Variants in PTPRK observed in about 807,000 individuals in gnomAD.
PTPRK encodes receptor-type tyrosine-protein phosphatase kappa.
Under a neutral mutation model 178.0 loss-of-function variants are expected in PTPRK, and 75 were observed. That is an observed-to-expected ratio of 0.42 (90% CI 0.35 to 0.51). The LOEUF is 0.51. PTPRK is among the 20% of genes least tolerant of loss of function. The pLI is 0.02. For missense variants in PTPRK, 1,441 were observed against 1,797.8 expected (o/e 0.80, Z 3.59); for synonymous variants, 637 against 620.6 (o/e 1.03, Z -0.39).
chr6:128,019,457 G>C (rs1282167558), intron 13 of PTPRK, among the ~76,000 whole-genome samples: 1 of 151,860 alleles, frequency 6.6e-6, no homozygotes, highest in Admixed American at 6.6e-5. Flanking sequence ...CATTCTTTTG[G>C]GGACAAATAA....
At chr6:128,445,564 A>G (rs1376423635) in intron 1 of PTPRK, among the ~76,000 whole-genome samples, 1 of 151,412 alleles carries the variant, frequency 6.6e-6, no homozygotes, top group Non-Finnish European at 1.5e-5. Flanking sequence ...TGAAAGGATG[A>G]GAATAAAAAT....
At chr6:128,403,853 AT>A (rs1268070251) in intron 1 of PTPRK, among the ~76,000 whole-genome samples, 5 of 152,326 alleles carry the variant, frequency 3.3e-5, no homozygotes, top group Middle Eastern at 3.4e-3. Context: ...AGCAAACTTC[AT>A]GTACAAAAAG....
chr6:128,486,461 A>C (rs1280460951), intron 1 of PTPRK, among the ~76,000 whole-genome samples: 2 of 152,214 alleles, frequency 1.3e-5, no homozygotes, highest in African/African-American at 4.8e-5. Flanking sequence ...TACTTCAAAA[A>C]GGCAGAAAAC....
At chr6:128,304,479 ATTT>A (rs1475713017) in intron 3 of PTPRK, among the ~76,000 whole-genome samples, 1 of 152,154 alleles carries the variant, frequency 6.6e-6, no homozygotes. Flanking sequence ...TGCATAAAAC[ATTT>A]AAGTTTTTTT....
At chr6:128,395,711 G>A (rs1004493177) in intron 2 of PTPRK, among the ~76,000 whole-genome samples, 9 of 151,818 alleles carry the variant, frequency 5.9e-5, no homozygotes, top group Non-Finnish European at 1.0e-4. Context: ...ACAAATCTAC[G>A]CACAAAATTA....
intron 18 of PTPRK, chr6:127,995,170 C>T: frequency 7.4e-7 from 1 of 1,352,566 alleles, no homozygotes; most frequent in Non-Finnish European, 1.0e-6. Flanking sequence ...CTAGTAGTAA[C>T]AGAGCGTTAG....
intron 7 of PTPRK, among the ~76,000 whole-genome samples, chr6:128,133,291 A>G (rs1794534146): frequency 6.6e-6 from 1 of 152,194 alleles, no homozygotes; most frequent in Non-Finnish European, 1.5e-5. Flanking sequence ...CAGGTTTAAA[A>G]TTTGTATTAT....
intron 18 of PTPRK, among the ~76,000 whole-genome samples, 176 bp from the exon 19 acceptor site, chr6:127,992,885 T>G (rs559379322): frequency 6.6e-6 from 1 of 151,670 alleles, no homozygotes. Flanking sequence ...AAGGTAAACA[T>G]AAAACAAAAA....
At chr6:128,288,346 G>T (rs973061502) in intron 3 of PTPRK, among the ~76,000 whole-genome samples, 1 of 151,908 alleles carries the variant, frequency 6.6e-6, no homozygotes, top group African/African-American at 2.4e-5. Context: ...ACATCTATAC[G>T]CTTTGGATAT....
chr6:128,273,852 T>C (rs1365633625), intron 3 of PTPRK, among the ~76,000 whole-genome samples: 3 of 152,136 alleles, frequency 2.0e-5, no homozygotes, highest in Non-Finnish European at 4.4e-5. Flanking sequence ...ACATGCTTTC[T>C]CCTCACTATC....
intron 7 of PTPRK, among the ~76,000 whole-genome samples, chr6:128,105,483 G>A (rs1262542558): frequency 6.6e-6 from 1 of 152,128 alleles, no homozygotes; most frequent in Admixed American, 6.5e-5. Flanking sequence ...AGAAAGCGAT[G>A]AATATATTAA....
At chr6:127,972,892 G>T in intron 29 of PTPRK, 130 bp downstream of exon 29, 1 of 855,732 alleles carries the variant, frequency 1.2e-6, no homozygotes, top group East Asian at 2.6e-5. Context: ...TATTAATTAG[G>T]CAGGAAAGTC....
intron 13 of PTPRK, among the ~76,000 whole-genome samples, chr6:128,022,028 G>T (rs1773588861): frequency 6.6e-6 from 1 of 152,154 alleles, no homozygotes; most frequent in African/African-American, 2.4e-5. Flanking sequence ...CTCTAGCAAA[G>T]AGTAACAATT....
chr6:128,202,290 C>A (rs1806104209), intron 6 of PTPRK, among the ~76,000 whole-genome samples: 1 of 152,156 alleles, frequency 6.6e-6, no homozygotes, highest in South Asian at 2.1e-4. Flanking sequence ...ATTATGTAAC[C>A]CTGCCCCGGG....
rs1409897089 is a variant in PTPRK at position 128,490,563 on chromosome 6, A to T, written c.100+29696T>A. 2.6e-5 allele frequency among the ~76,000 whole-genome samples: 4 copies of T among 152,206 alleles called. 1 individual carries two copies. In the South Asian group the frequency reaches 8.3e-4, roughly 32 times the overall value. On this transcript the variant is annotated intron_variant, in intron 1 of 29. Coordinates refer to ENST00000368226, the MANE Select transcript of PTPRK (RefSeq NM_002844.4). The stretch of plus-strand genomic sequence containing the variant: ...TCATGAGAAGCAGTACAGCATGGTG[A>T]TTAACAGCATTGATTCCACAATCAC...
At chr6:128,445,298 T>C (rs1424502314) in intron 1 of PTPRK, among the ~76,000 whole-genome samples, 1 of 139,942 alleles carries the variant, frequency 7.1e-6, no homozygotes, top group African/African-American at 2.6e-5. Flanking sequence ...GTATATTATA[T>C]AAATACTATA....
chr6:128,242,657 A>G (rs902856269), intron 3 of PTPRK, 55 bp from the exon 4 acceptor site: 15 of 1,589,468 alleles, frequency 9.4e-6, no homozygotes, highest in Admixed American at 1.8e-5. Context: ...GAATTTCTAC[A>G]GTGGAGGGGA....
chr6:128,471,020 G>A (rs1850578163), intron 1 of PTPRK, among the ~76,000 whole-genome samples: 1 of 151,096 alleles, frequency 6.6e-6, no homozygotes, highest in Admixed American at 6.6e-5. Context: ...CTATAAGTTA[G>A]AGAATCAAAA....
In PTPRK at chr6:128,089,914, C is replaced by T; in HGVS notation, c.1241G>A (p.Gly414Asp). The T allele has an allele frequency of 1.2e-6, 2 of 1,611,932 alleles. No individual in the cohort carries two copies. Among genetic ancestry groups the T allele is most frequent in the Non-Finnish European group, 1.7e-6 (2 of 1,178,012 alleles). ...RRIAVDWESLGYNITRCHTFN... is the reference protein window; with the variant it reads ...RRIAVDWESLDYNITRCHTFN... ...AGTGTGGCAACGCGTAATGTTGTAACCCAAGGATTCCCAGTCCACAGCAAT... is the reference window on the plus strand; with the variant it reads ...AGTGTGGCAACGCGTAATGTTGTAATCCAAGGATTCCCAGTCCACAGCAAT... The change falls in exon 8 of 30, where the codon GGT (glycine) becomes GAT (aspartate). Residue 414 changes from glycine to aspartate, a missense_variant. Transcript: ENST00000368226.
Sources: gnomAD v4.1 joint callset for allele counts (sites outside exome capture counted in the v4.1 genomes callset) on GRCh38, gnomAD v4.1.1 for gene constraint, MANE v1.5 for transcripts, NCBI Gene and HGNC (gene_info 2026-07-23, HGNC 2026-07-21) for gene names.